The following ITGB5 variants were observed in gnomAD, a reference collection of about 807,000 sequenced individuals.
ITGB5 encodes the protein integrin beta-5.
Under a neutral mutation model 84.8 loss-of-function variants are expected in ITGB5, and 38 were observed. The ratio of observed to expected loss-of-function variants is 0.45; its 90% CI spans 0.35 to 0.59. ITGB5 has a LOEUF of 0.59. Among genes scored for constraint, ITGB5 ranks in the 20% least tolerant of loss-of-function variants. The pLI, the probability that ITGB5 is intolerant of heterozygous loss-of-function variation, is 0.01. For missense variants in ITGB5, 905 were observed against 1,034.5 expected (o/e 0.87, Z 1.72); for synonymous variants, 393 against 414.4 (o/e 0.95, Z 0.63).
chr3:124,805,589 C>T (rs2064389016), intron 9 of ITGB5, among the ~76,000 whole-genome samples: 2 of 152,226 alleles, frequency 1.3e-5, no homozygotes, highest in South Asian at 4.2e-4. Context: ...GCAGCTGGGA[C>T]CACAGGTGTG....
At chr3:124,779,723 A>G (rs749561136) in intron 10 of ITGB5, among the ~76,000 whole-genome samples, 1 of 152,156 alleles carries the variant, frequency 6.6e-6, no homozygotes, top group Non-Finnish European at 1.5e-5. Context: ...CCTTGCGGGT[A>G]GGGTTGTTGT....
At chr3:124,765,403 C>T (rs1167803027) in intron 13 of ITGB5, among the ~76,000 whole-genome samples, 4 of 152,202 alleles carry the variant, frequency 2.6e-5, no homozygotes, top group Non-Finnish European at 5.9e-5. Context: ...CCTTGGAATC[C>T]ATGCTGGGAA....
At chr3:124,772,396 G>A (rs1351420567) in intron 11 of ITGB5, among the ~76,000 whole-genome samples, 1 of 152,192 alleles carries the variant, frequency 6.6e-6, no homozygotes, top group South Asian at 2.1e-4. Context: ...CACCCAGAAC[G>A]TTTCCGAGCA....
At chr3:124,785,365 C>T (rs1321244104) in intron 10 of ITGB5, among the ~76,000 whole-genome samples, 3 of 152,026 alleles carry the variant, frequency 2.0e-5, no homozygotes, top group South Asian at 2.1e-4. Context: ...GGGCAGATCA[C>T]GAGGTCAGGA....
At chr3:124,831,222 A>G (rs1394166031) in intron 5 of ITGB5, among the ~76,000 whole-genome samples, 1 of 151,950 alleles carries the variant, frequency 6.6e-6, no homozygotes, top group African/African-American at 2.4e-5. Flanking sequence ...CTCGCTGTCA[A>G]TGTCTGTCTT....
At chr3:124,844,834 A>G (rs1481675583) in intron 4 of ITGB5, among the ~76,000 whole-genome samples, 1 of 152,222 alleles carries the variant, frequency 6.6e-6, no homozygotes, top group African/African-American at 2.4e-5. Context: ...AATGAGATGA[A>G]TTACCCATAA....
chr3:124,812,947 C>T (rs993715896), intron 8 of ITGB5, among the ~76,000 whole-genome samples: 2 of 152,222 alleles, frequency 1.3e-5, no homozygotes, highest in African/African-American at 4.8e-5. Context: ...CCAACACCCA[C>T]ACTTAGTCAT....
At chr3:124,901,149 T>C (rs1935206852) in intron 1 of ITGB5, 1 of 152,210 alleles carries the variant, frequency 6.6e-6, no homozygotes, top group Non-Finnish European at 1.5e-5. Context: ...CCCAGCACTT[T>C]GCGAGGCCAA....
intron 3 of ITGB5, among the ~76,000 whole-genome samples, chr3:124,850,470 T>G (rs773680111): frequency 4.1e-5 from 6 of 145,274 alleles, no homozygotes; most frequent in Non-Finnish European, 7.5e-5. Flanking sequence ...TGTCTTTGCG[T>G]GTACTGTTCT....
At chr3:124,884,343 C>G (rs1252256102) in intron 1 of ITGB5, among the ~76,000 whole-genome samples, 1 of 152,176 alleles carries the variant, frequency 6.6e-6, no homozygotes, top group East Asian at 1.9e-4. Flanking sequence ...AGGTAAGCAG[C>G]AAGTTCTGGA....
intron 5 of ITGB5, among the ~76,000 whole-genome samples, chr3:124,824,735 C>G (rs971606050): frequency 1.3e-5 from 2 of 151,922 alleles, no homozygotes; most frequent in Non-Finnish European, 2.9e-5. Context: ...AAGATTTGCA[C>G]AGACAATTCA....
intron 1 of ITGB5, among the ~76,000 whole-genome samples, chr3:124,896,729 A>G (rs1039046395): frequency 2.8e-5 from 4 of 141,634 alleles, no homozygotes; most frequent in Non-Finnish European, 6.1e-5. Context: ...CCTGGGACAC[A>G]GAGTGAGACC....
At chr3:124,843,286 CCT>C (rs764075513) in intron 4 of ITGB5, among the ~76,000 whole-genome samples, 7 of 152,188 alleles carry the variant, frequency 4.6e-5, no homozygotes, top group Non-Finnish European at 8.8e-5. Context: ...AAACTCTCCC[CCT>C]CTCTCTTCCT....
chr3:124,828,441 T>C (rs2064815056), intron 5 of ITGB5, among the ~76,000 whole-genome samples: 1 of 152,182 alleles, frequency 6.6e-6, no homozygotes. Flanking sequence ...ATACTAGGCA[T>C]ATGAAATTTG....
At chr3:124,764,963 G>T (rs1296520157) in intron 13 of ITGB5, among the ~76,000 whole-genome samples, 2 of 152,216 alleles carry the variant, frequency 1.3e-5, no homozygotes, top group African/African-American at 2.4e-5. Context: ...CTGGGCTGGG[G>T]GCCAACATTT....
chr3:124,772,912 T>C (rs1051344430), intron 11 of ITGB5, among the ~76,000 whole-genome samples: 9 of 95,706 alleles, frequency 9.4e-5, no homozygotes, highest in Non-Finnish European at 1.6e-4. Flanking sequence ...TCCAATTTAC[T>C]TTTTTTTTTT....
At chr3:124,858,625 A>T (rs2065252190) in intron 3 of ITGB5, among the ~76,000 whole-genome samples, 1 of 152,238 alleles carries the variant, frequency 6.6e-6, no homozygotes, top group Non-Finnish European at 1.5e-5. Flanking sequence ...CACTTAGTGA[A>T]ACAAGTCAAA....
chr3:124,853,540 TA>T (rs2107610537), intron 3 of ITGB5, among the ~76,000 whole-genome samples: 1 of 152,302 alleles, frequency 6.6e-6, no homozygotes, highest in South Asian at 2.1e-4. Flanking sequence ...AATAACCCCT[TA>T]TCCAGCCATC....
At chr3:124,871,048 C>G (rs574663448) in intron 2 of ITGB5, among the ~76,000 whole-genome samples, 2 of 152,206 alleles carry the variant, frequency 1.3e-5, no homozygotes, top group Admixed American at 6.5e-5. Flanking sequence ...CACTAGCACA[C>G]CCAGCTAATT....
Sources: gnomAD v4.1 joint callset for allele counts (sites outside exome capture counted in the v4.1 genomes callset) on GRCh38, gnomAD v4.1.1 for gene constraint, MANE v1.5 for transcripts, NCBI Gene and HGNC (gene_info 2026-07-23, HGNC 2026-07-21) for gene names.